The following CALM2 variants were observed in gnomAD, a reference collection of about 807,000 sequenced individuals.
CALM2 encodes calmodulin-2.
CALM2 carries 2 observed loss-of-function variants against 19.8 expected under a neutral mutation model. The observed-to-expected ratio is 0.10, with a 90% confidence interval of 0.04 to 0.32. The LOEUF is 0.32. Ranked by LOEUF, CALM2 falls within the 10% of genes least tolerant of loss-of-function variation. CALM2 has a pLI of 1.00. For missense variants in CALM2, 38 were observed against 178.7 expected (o/e 0.21, Z 4.49); for synonymous variants, 51 against 52.1 (o/e 0.98, Z 0.09).
At position 47,176,506 on chromosome 2, in the gene CALM2, C is replaced by A. The variant is rs765000776; in HGVS notation, c.-63G>T. The A allele has an allele frequency of 3.1e-6, 5 of 1,606,600 alleles. No homozygotes were observed. The highest frequency in any genetic ancestry group is 4.2e-6 in the Non-Finnish European group (5 of 1,176,936). ...AACCACTCAGCTCGCTCTCTCCACT[C>A]GGACTAATTCGCCTCCTCCGCCCCC... is the stretch of plus-strand genomic sequence containing the variant. On this transcript the variant is annotated 5_prime_UTR_variant, in exon 1 of 6. Transcript: ENST00000272298.
intron 2 of CALM2, among the ~76,000 whole-genome samples, chr2:47,166,232 T>C (rs1413223374): frequency 6.6e-6 from 1 of 152,148 alleles, no homozygotes; most frequent in African/African-American, 2.4e-5. Context: ...TATATTGGAG[T>C]TCAGACACAT....
chr2:47,169,263 T>C (rs1241369425), intron 2 of CALM2, among the ~76,000 whole-genome samples: 1 of 152,166 alleles, frequency 6.6e-6, no homozygotes, highest in Non-Finnish European at 1.5e-5. Context: ...TTAGACAGCC[T>C]GAGACAATTT....
intron 2 of CALM2, among the ~76,000 whole-genome samples, chr2:47,169,102 A>G (rs1666588137): frequency 6.6e-6 from 1 of 152,192 alleles, no homozygotes; most frequent in African/African-American, 2.4e-5. Flanking sequence ...AGAGTTGTTT[A>G]AGAGAGCAGA....
chr2:47,168,854 T>C (rs929971360), intron 2 of CALM2, among the ~76,000 whole-genome samples: 4 of 152,076 alleles, frequency 2.6e-5, no homozygotes, highest in Non-Finnish European at 5.9e-5. Context: ...CTTGCCTCAC[T>C]GCAACCTCTG....
intron 2 of CALM2, among the ~76,000 whole-genome samples, chr2:47,169,439 C>T (rs1020943789): frequency 6.6e-6 from 1 of 152,084 alleles, no homozygotes; most frequent in Non-Finnish European, 1.5e-5. Context: ...AGATTACCAG[C>T]CATCAGGCCC....
Position 47,176,480 on chromosome 2 carries a change from C to A in CALM2, c.-37G>T, listed in dbSNP as rs748018981. The A allele has an allele frequency of 2.5e-6, 4 of 1,613,724 alleles. No homozygotes were observed. Among genetic ancestry groups the A allele is most frequent in the East Asian group, 4.5e-5 (2 of 44,866 alleles). On this transcript the variant is annotated 5_prime_UTR_variant, in exon 1 of 6. Transcript: ENST00000272298. The stretch of plus-strand genomic sequence containing the variant: ...TACCGGTTTCCGAGACGCGACCACA[C>A]AACCACTCAGCTCGCTCTCTCCACT...
At chr2:47,172,304 G>A (rs1188171855) in intron 1 of CALM2, 2 of 363,862 alleles carry the variant, frequency 5.5e-6, no homozygotes, top group Non-Finnish European at 1.1e-5. Flanking sequence ...ATCAAGTTCT[G>A]AGTCACAGGC....
intron 2 of CALM2, among the ~76,000 whole-genome samples, chr2:47,166,974 CTAAT>C (rs1251249977): frequency 1.3e-5 from 2 of 152,116 alleles, no homozygotes; most frequent in East Asian, 1.9e-4. Context: ...AGGCCCTTCC[CTAAT>C]TAGTTTATTA....
chr2:47,170,404 G>GT (rs1491496605), intron 2 of CALM2, among the ~76,000 whole-genome samples: 4 of 151,986 alleles, frequency 2.6e-5, no homozygotes, highest in Admixed American at 6.6e-5. Context: ...CTTTTCTAGC[G>GT]TGTTAGCTAG....
intron 1 of CALM2, 149 bp downstream of exon 1, chr2:47,176,292 C>A: frequency 1.1e-6 from 1 of 903,854 alleles, no homozygotes; most frequent in Non-Finnish European, 1.7e-6. Context: ...ACACAACCGT[C>A]GCCGGCATCC....
At chr2:47,171,018 T>G (rs1666649048) in intron 1 of CALM2, 1 of 424,460 alleles carries the variant, frequency 2.4e-6, no homozygotes, top group South Asian at 3.7e-5. Context: ...ATAGAAACAT[T>G]GCTTCCTTTT....
chr2:47,176,488 C>G lies in CALM2; in HGVS notation c.-45G>C, dbSNP rs181460536. On this transcript the variant is annotated 5_prime_UTR_variant, in exon 1 of 6. Coordinates refer to ENST00000272298, the MANE Select transcript of CALM2 (RefSeq NM_001743.6). ...TCCGAGACGCGACCACACAACCACT[C>G]AGCTCGCTCTCTCCACTCGGACTAA... The G allele has an allele frequency of 4.3e-6, 7 of 1,613,092 alleles. No individual in the cohort carries two copies. The highest frequency in any genetic ancestry group is 5.9e-6 in the Non-Finnish European group (7 of 1,179,670).
At chr2:47,172,971 T>TAC (rs1666727120) in intron 1 of CALM2, 1 of 152,224 alleles carries the variant, frequency 6.6e-6, no homozygotes, top group Non-Finnish European at 1.5e-5. Flanking sequence ...TCTAACTCCC[T>TAC]ACCTCCAAGC....
chr2:47,175,784 GGGC>G (rs1286575269), intron 1 of CALM2, among the ~76,000 whole-genome samples: 2 of 149,642 alleles, frequency 1.3e-5, no homozygotes, highest in East Asian at 3.9e-4. Context: ...GGGCCGAGCG[GGGC>G]GGCGGCTCCG....
Position 47,170,762 on chromosome 2 carries a change from A to C in CALM2, c.6T>G (p.Ala2=). 6.2e-7 allele frequency: 1 copy of C among 1,612,986 alleles called. No homozygotes were observed. The highest frequency in any genetic ancestry group is 1.7e-5 in the Admixed American group (1 of 60,020). The change falls in exon 2 of 6, where the codon GCT becomes GCG. Residue 2 remains alanine, a splice_region_variant and synonymous_variant. Transcript: ENST00000272298. ...CAATCTGCTCTTCAGTCAGTTGGTC[A>C]GCCTACAAAGAGATCAAAGAGGAAG... is the stretch of plus-strand genomic sequence containing the variant. M[A]DQLTEEQIAE...
intron 2 of CALM2, 103 bp from the exon 3 acceptor site, chr2:47,162,765 G>C: frequency 1.0e-6 from 1 of 967,704 alleles, no homozygotes; most frequent in Non-Finnish European, 1.5e-6. Context: ...GTGGGATCGT[G>C]CCAGTGAACA....
intron 4 of CALM2, among the ~76,000 whole-genome samples, 173 bp from the exon 5 acceptor site, chr2:47,162,031 T>C (rs1687171824): frequency 6.6e-6 from 1 of 152,262 alleles, no homozygotes; most frequent in South Asian, 2.1e-4. Context: ...CAAAATGTCC[T>C]ACATTGAAAT....
upstream of CALM2, chr2:47,176,804 TC>T (rs537539664): frequency 8.4e-5 from 83 of 985,304 alleles, no homozygotes; most frequent in African/African-American, 1.3e-3. Context: ...CGGCGATGCG[TC>T]CCCCGTTGGT....
upstream of CALM2, chr2:47,176,909 C>G (rs891586892): frequency 8.1e-6 from 8 of 985,290 alleles, no homozygotes; most frequent in South Asian, 9.4e-5. Flanking sequence ...TCTGCCGTTG[C>G]TGCTCGGGCC....
Sources: gnomAD v4.1 joint callset for allele counts (sites outside exome capture counted in the v4.1 genomes callset) on GRCh38, gnomAD v4.1.1 for gene constraint, MANE v1.5 for transcripts, NCBI Gene and HGNC (gene_info 2026-07-23, HGNC 2026-07-21) for gene names.